The following AK2 variants were observed in gnomAD, a reference collection of about 807,000 sequenced individuals.
AK2 encodes adenylate kinase 2.
Under a neutral mutation model 24.6 loss-of-function variants are expected in AK2, and 15 were observed. The observed-to-expected ratio is 0.61, with a 90% CI of 0.41 to 0.94. AK2 has a LOEUF of 0.94. Ranked by LOEUF, AK2 falls within the 40% of genes least tolerant of loss-of-function variation. The pLI is 0.00. For synonymous variants in AK2, 102 were observed against 114.0 expected, an observed-to-expected ratio of 0.90 and a Z score of 0.67; for missense variants, 257 against 304.1, an observed-to-expected ratio of 0.85 and a Z score of 1.15.
chr1:33,012,317 AAAGT>A lies in AK2; in HGVS notation c.*860_*863del. On this transcript the variant is annotated 3_prime_UTR_variant, in exon 6 of 6. Coordinates refer to ENST00000672715, the MANE Select transcript of AK2 (RefSeq NM_001625.4). ...TCTCCCAGTAATTTCTGTAACCTGC[AAAGT>A]AAGTGCCTTTTTCCTTCCACCTAGG... 3 of 1,532,348 alleles carry A rather than the reference AAAGT, an allele frequency of 2.0e-6. No homozygotes were observed. Among genetic ancestry groups the A allele is most frequent in the East Asian group, 2.5e-5 (1 of 40,804 alleles). 94.9% of individuals were successfully genotyped at this position (1,532,348 alleles called of 1,614,324 possible).
chr1:33,025,081 A>T (rs1428135563), intron 1 of AK2, among the ~76,000 whole-genome samples: 1 of 149,040 alleles, frequency 6.7e-6, no homozygotes, highest in Non-Finnish European at 1.5e-5. Flanking sequence ...GCTACTCAGG[A>T]GGCTGAGGTA....
rs187877990 is a variant in AK2, at chr1:33,008,304, C to T, written c.*4877G>A. Reference sequence around the variant, plus strand: ...CTTGTCCAAGGTCGCATGGTGAAGTCGCTGTTGAAATCTGTCTTCTGACTC... The same window carrying T: ...CTTGTCCAAGGTCGCATGGTGAAGTTGCTGTTGAAATCTGTCTTCTGACTC... On this transcript the variant is annotated 3_prime_UTR_variant, in exon 6 of 6. Transcript: ENST00000672715. 4.2e-5 allele frequency: 19 copies of T among 454,002 alleles called. No homozygotes were observed. In the East Asian group the frequency reaches 5.6e-4, roughly 13 times the overall value. 28.1% of individuals were successfully genotyped at this position (454,002 alleles called of 1,614,324 possible). A position where few individuals can be genotyped will look rare whatever the true frequency, so the allele number is the denominator to read the frequency against.
At chr1:33,020,587 G>A (rs913701638) in intron 4 of AK2, among the ~76,000 whole-genome samples, 2 of 152,300 alleles carry the variant, frequency 1.3e-5, no homozygotes, top group African/African-American at 4.8e-5. Context: ...GCTCAAGCCT[G>A]TAATCCCAGC....
intron 1 of AK2, among the ~76,000 whole-genome samples, chr1:33,027,965 G>T (rs1321910333): frequency 6.6e-6 from 1 of 151,892 alleles, no homozygotes; most frequent in Non-Finnish European, 1.5e-5. Context: ...AGTTTAATGG[G>T]GATAATGACT....
chr1:33,010,939 T>A lies in AK2; in HGVS notation c.*2242A>T. The A allele has an allele frequency of 1.3e-6, 2 of 1,576,948 alleles. No homozygotes were observed. The highest frequency in any genetic ancestry group is 1.7e-6 in the Non-Finnish European group (2 of 1,160,626). The stretch of plus-strand genomic sequence containing the variant: ...CCCAGCAACCAAATGCATTAAACAC[T>A]GGACATTTCTGTGACAGGTAAAAGC... On this transcript the variant is annotated 3_prime_UTR_variant, in exon 6 of 6. Transcript: ENST00000672715.
chr1:33,011,419 A>G lies in AK2; in HGVS notation c.*1762T>C, dbSNP rs1311495163. 1.6e-6 allele frequency: 2 copies of G among 1,287,256 alleles called. No individual in the cohort carries two copies. The highest frequency in any genetic ancestry group is 2.0e-6 in the Non-Finnish European group (2 of 988,808). The allele number at this position is 1,287,256 out of a possible 1,614,324, so 79.7% of individuals were successfully genotyped here. A position where few individuals can be genotyped will look rare whatever the true frequency, so the allele number is the denominator to read the frequency against. On this transcript the variant is annotated 3_prime_UTR_variant, in exon 6 of 6. Coordinates refer to ENST00000672715, the MANE Select transcript of AK2 (RefSeq NM_001625.4). ...GGAGTTGGTTTAGAGCCAGGAAAAC[A>G]AGGCAGGACAGAGGCAGCAGACACT...
At chr1:33,026,314 C>T (rs964361892) in intron 1 of AK2, among the ~76,000 whole-genome samples, 9 of 152,210 alleles carry the variant, frequency 5.9e-5, no homozygotes, top group African/African-American at 2.2e-4. Context: ...ATTCTCCTGC[C>T]TCAGCCTCCC....
intron 4 of AK2, among the ~76,000 whole-genome samples, chr1:33,016,678 CTTTTA>C (rs944508462): frequency 3.3e-5 from 5 of 151,596 alleles, no homozygotes; most frequent in Admixed American, 1.3e-4. Context: ...CTGGCTAATT[CTTTTA>C]TTTTATTTAA....
chr1:33,008,504 C>T lies in AK2; in HGVS notation c.*4677G>A. The T allele has an allele frequency of 2.2e-6, 1 of 454,062 alleles. No homozygotes were observed. The highest frequency in any genetic ancestry group is 1.6e-5 in the South Asian group (1 of 64,476). 28.1% of individuals were successfully genotyped at this position (454,062 alleles called of 1,614,324 possible). ...AATCAGTTCCGGCAGCGCTGAGTGT[C>T]CATGGAAAAGAGCTCTTATTCAGAG... On this transcript the variant is annotated 3_prime_UTR_variant, in exon 6 of 6. Transcript: ENST00000672715.
intron 4 of AK2, among the ~76,000 whole-genome samples, chr1:33,018,048 G>T (rs1368477760): frequency 6.6e-6 from 1 of 152,150 alleles, no homozygotes; most frequent in Non-Finnish European, 1.5e-5. Context: ...TCACAGGCAT[G>T]AACCACTGCG....
intron 5 of AK2, 33 bp downstream of exon 5, chr1:33,014,489 G>A (rs1304444245): frequency 1.9e-6 from 3 of 1,575,428 alleles, no homozygotes; most frequent in East Asian, 4.5e-5. Flanking sequence ...GGGAAGGAAA[G>A]AAAAGGAAAT....
intron 1 of AK2, among the ~76,000 whole-genome samples, chr1:33,025,962 T>C (rs987023239): frequency 2.0e-5 from 3 of 152,344 alleles, no homozygotes; most frequent in Middle Eastern, 3.4e-3. Context: ...ATAGACTATG[T>C]ACTTAAAGAG....
rs1348106837 is a variant in AK2 at position 33,012,902 on chromosome 1, CA to C, written c.*278del. 1.4e-6 allele frequency: 2 copies of C among 1,380,578 alleles called. No individual in the cohort carries two copies. The highest frequency in any genetic ancestry group is 1.9e-6 in the Non-Finnish European group (2 of 1,048,340). The allele number at this position is 1,380,578 out of a possible 1,614,324, so 85.5% of individuals were successfully genotyped here. ...GGCAGAGCGAAACCTTGTCTCAAAA[CA>C]ACAACAAAAAAGAAGTAAACAGCTG... On this transcript the variant is annotated 3_prime_UTR_variant, in exon 6 of 6. Transcript: ENST00000672715.
In AK2 at chr1:33,016,774, C is replaced by T. The variant is rs573264886; in HGVS notation, c.426-2180G>A. Among the ~76,000 whole-genome samples, 357 of 151,302 alleles carry T rather than the reference C, an allele frequency of 2.4e-3. 2 individuals carry two copies. Among genetic ancestry groups the T allele is most frequent in the African/African-American group, 8.1e-3 (334 of 41,124 alleles). On this transcript the variant is annotated intron_variant, in intron 4 of 5. Coordinates refer to ENST00000672715, the MANE Select transcript of AK2 (RefSeq NM_001625.4). ...AGGCTGGAGTGCAGTGTCATGGTCT[C>T]GGCTCACTGCAACCTCTGCCTCCCA... is the stretch of plus-strand genomic sequence containing the variant.
In AK2 at chr1:33,009,857, G is replaced by C. The variant is rs1286091586; in HGVS notation, c.*3324C>G. 1 of 454,256 alleles carries C rather than the reference G, an allele frequency of 2.2e-6. No individual in the cohort carries two copies. The highest frequency in any genetic ancestry group is 4.4e-6 in the Non-Finnish European group (1 of 226,784). 28.1% of individuals were successfully genotyped at this position (454,256 alleles called of 1,614,324 possible). ...AAAGGGCTTCTTTTCCTTCCAGCCA[G>C]GTCCAGAATTCAATGTCATTTTTCT... On this transcript the variant is annotated 3_prime_UTR_variant, in exon 6 of 6. Coordinates refer to ENST00000672715, the MANE Select transcript of AK2 (RefSeq NM_001625.4).
chr1:33,015,480 T>C (rs1639125353), intron 4 of AK2, among the ~76,000 whole-genome samples: 1 of 152,260 alleles, frequency 6.6e-6, no homozygotes. Flanking sequence ...TTCACTTCTG[T>C]GGTTTCTCAA....
In AK2 at chr1:33,012,238, AT is replaced by A; in HGVS notation, c.*942del. ...AATAATTGCTATTTTCAGCATCATG[AT>A]GCAGATCACAAAAATATTCCAATTT... is the stretch of plus-strand genomic sequence containing the variant. On this transcript the variant is annotated 3_prime_UTR_variant, in exon 6 of 6. Coordinates refer to ENST00000672715, the MANE Select transcript of AK2 (RefSeq NM_001625.4). The A allele has an allele frequency of 6.5e-7, 1 of 1,534,572 alleles. No individual in the cohort carries two copies. Among genetic ancestry groups the A allele is most frequent in the East Asian group, 2.4e-5 (1 of 40,890 alleles).
At chr1:33,035,265 G>C (rs574705829) in intron 1 of AK2, among the ~76,000 whole-genome samples, 1 of 152,290 alleles carries the variant, frequency 6.6e-6, no homozygotes, top group African/African-American at 2.4e-5. Context: ...AAAGAAAGCT[G>C]TATTTTCTGA....
chr1:33,011,488 A>G lies in AK2; in HGVS notation c.*1693T>C. The G allele has an allele frequency of 7.8e-7, 1 of 1,287,424 alleles. No homozygotes were observed. Among genetic ancestry groups the G allele is most frequent in the Non-Finnish European group, 1.0e-6 (1 of 988,792 alleles). The allele number at this position is 1,287,424 out of a possible 1,614,324, so 79.8% of individuals were successfully genotyped here. ...AGGGAAGCAAGGTGGCCAGGTACTCATGCCCAGTTGCCATGTGGACAGCAG... is the reference window on the plus strand; with the variant it reads ...AGGGAAGCAAGGTGGCCAGGTACTCGTGCCCAGTTGCCATGTGGACAGCAG... On this transcript the variant is annotated 3_prime_UTR_variant, in exon 6 of 6. Coordinates refer to ENST00000672715, the MANE Select transcript of AK2 (RefSeq NM_001625.4).
Sources: allele counts gnomAD v4.1 joint callset (sites outside exome capture counted in the v4.1 genomes callset), GRCh38; gene constraint gnomAD v4.1.1; transcripts MANE v1.5; gene names NCBI Gene and HGNC (gene_info 2026-07-23, HGNC 2026-07-21).